PLPPR1: variants seen among roughly 807,000 people sequenced by gnomAD.
PLPPR1 encodes phospholipid phosphatase-related protein type 1.
PLPPR1 carries 10 observed loss-of-function variants against 33.1 expected under a neutral mutation model. The observed-to-expected ratio is 0.30, with a 90% CI of 0.19 to 0.51. PLPPR1 has a LOEUF of 0.51. Among genes scored for constraint, PLPPR1 ranks in the 20% least tolerant of loss-of-function variants. The pLI is 0.97. For missense variants in PLPPR1, 304 were observed against 408.1 expected, an observed-to-expected ratio of 0.74 and a Z score of 2.20; for synonymous variants, 151 against 151.0, an observed-to-expected ratio of 1.00 and a Z score of 0.00.
chr9:101,081,585 G>T (rs140495335), intron 1 of PLPPR1, among the ~76,000 whole-genome samples: 57 of 152,286 alleles, frequency 3.7e-4, no homozygotes, highest in African/African-American at 1.3e-3. Flanking sequence ...AAGAAGTGGA[G>T]AATTATATGA....
intron 1 of PLPPR1, among the ~76,000 whole-genome samples, chr9:101,092,775 C>T (rs11790544): frequency 0.57 from 85,900 of 151,922 alleles, 24,346 homozygotes; most frequent in Non-Finnish European, 0.6. Flanking sequence ...CTATTGGAAC[C>T]CTGATTCTCG....
At chr9:101,085,869 G>A (rs1047611654) in intron 1 of PLPPR1, among the ~76,000 whole-genome samples, 6 of 152,022 alleles carry the variant, frequency 3.9e-5, no homozygotes, top group African/African-American at 1.2e-4. Context: ...ACCGGGGGGG[G>A]CTCTACTGTC....
chr9:101,275,459 G>A (rs1011322153), intron 3 of PLPPR1, among the ~76,000 whole-genome samples: 1 of 152,192 alleles, frequency 6.6e-6, no homozygotes, highest in African/African-American at 2.4e-5. Context: ...AAAGGCCAAG[G>A]CCACTGCTGT....
At chr9:101,030,733 T>G (rs1829935288) in intron 1 of PLPPR1, among the ~76,000 whole-genome samples, 1 of 151,722 alleles carries the variant, frequency 6.6e-6, no homozygotes, top group South Asian at 2.1e-4. Flanking sequence ...TCCTCACGGG[T>G]GGGGGTGAGG....
intron 1 of PLPPR1, among the ~76,000 whole-genome samples, chr9:101,158,360 G>A (rs1245203325): frequency 6.6e-6 from 1 of 152,184 alleles, no homozygotes; most frequent in African/African-American, 2.4e-5. Context: ...GAGGTCAATG[G>A]AGGAGAGAGT....
chr9:101,218,984 C>T (rs1826864948), intron 2 of PLPPR1, among the ~76,000 whole-genome samples: 1 of 152,214 alleles, frequency 6.6e-6, no homozygotes, highest in Non-Finnish European at 1.5e-5. Context: ...TGCACACTCA[C>T]ACACATCTAT....
At chr9:101,093,640 T>C (rs1012591779) in intron 1 of PLPPR1, among the ~76,000 whole-genome samples, 1 of 152,230 alleles carries the variant, frequency 6.6e-6, no homozygotes, top group Non-Finnish European at 1.5e-5. Context: ...AAAATTTTCA[T>C]CCATCTACTC....
intron 1 of PLPPR1, among the ~76,000 whole-genome samples, chr9:101,122,213 T>G (rs1831186786): frequency 6.6e-6 from 1 of 152,252 alleles, no homozygotes; most frequent in Non-Finnish European, 1.5e-5. Flanking sequence ...TCTTCCCTGA[T>G]CTGTCACTGA....
chr9:101,224,028 G>A (rs1434367096), intron 2 of PLPPR1, among the ~76,000 whole-genome samples: 1 of 152,016 alleles, frequency 6.6e-6, no homozygotes, highest in Non-Finnish European at 1.5e-5. Flanking sequence ...ATAACATATG[G>A]CTTGATATCT....
At chr9:101,222,352 G>T (rs921592107) in intron 2 of PLPPR1, among the ~76,000 whole-genome samples, 1 of 152,146 alleles carries the variant, frequency 6.6e-6, no homozygotes, top group Non-Finnish European at 1.5e-5. Flanking sequence ...GAGAATATGG[G>T]CAATTGTATG....
rs1004827861 is a variant in PLPPR1, at chr9:101,031,005, C to T, written c.-46+1903C>T. Among the ~76,000 whole-genome samples, 9 of 152,056 alleles carry T rather than the reference C, an allele frequency of 5.9e-5. No homozygotes were observed. The East Asian group carries it at 7.7e-4, about 13-fold the overall frequency. On this transcript the variant is annotated intron_variant, in intron 1 of 7. Coordinates refer to ENST00000374874, the MANE Select transcript of PLPPR1 (RefSeq NM_207299.2). ...GGGATGCTTATTATTAAAATAGTTT[C>T]GCTTTTATGATTTTAAAGGTATTCA...
intron 2 of PLPPR1, among the ~76,000 whole-genome samples, chr9:101,247,271 C>T (rs573143863): frequency 5.3e-5 from 8 of 152,006 alleles, no homozygotes; most frequent in East Asian, 2.0e-4. Context: ...GATTCAGAAA[C>T]GTGGTCTCCA....
intron 1 of PLPPR1, among the ~76,000 whole-genome samples, chr9:101,048,031 TAGA>T (rs1830174968): frequency 6.6e-6 from 1 of 152,158 alleles, no homozygotes. Context: ...GCCTAGTATA[TAGA>T]AGGAGTTAGA....
chr9:101,078,079 TGGA>T (rs1295804443), intron 1 of PLPPR1, among the ~76,000 whole-genome samples: 1 of 92,864 alleles, frequency 1.1e-5, no homozygotes, highest in East Asian at 3.4e-4. Flanking sequence ...GAGTCTGGAA[TGGA>T]GGAGGAGGAG....
At chr9:101,184,160 A>T (rs144043373) in intron 1 of PLPPR1, among the ~76,000 whole-genome samples, 196 of 151,914 alleles carry the variant, frequency 1.3e-3, no homozygotes, top group African/African-American at 4.5e-3. Context: ...GTGAAATAAC[A>T]CATGTAGTAT....
intron 4 of PLPPR1, among the ~76,000 whole-genome samples, chr9:101,288,154 C>A (rs1828428059): frequency 6.6e-6 from 1 of 152,150 alleles, no homozygotes; most frequent in African/African-American, 2.4e-5. Context: ...GCACAAGTCT[C>A]TGTTTATTGA....
chr9:101,245,579 C>A (rs560684913), intron 2 of PLPPR1, among the ~76,000 whole-genome samples: 4 of 151,910 alleles, frequency 2.6e-5, no homozygotes, highest in African/African-American at 9.7e-5. Context: ...ATGTGTCCAA[C>A]TTACACTATA....
chr9:101,055,233 T>C lies in PLPPR1; in HGVS notation c.-46+26131T>C, dbSNP rs529689916. Among the ~76,000 whole-genome samples, 166 of 152,344 alleles carry C rather than the reference T, an allele frequency of 1.1e-3. 1 individual carries two copies. Among genetic ancestry groups the C allele is most frequent in the African/African-American group, 4.0e-3 (165 of 41,574 alleles). On this transcript the variant is annotated intron_variant, in intron 1 of 7. Transcript: ENST00000374874. ...TTAAATTGTTTTTGAGTTTTTATGC[T>C]AACAGTGAAAAAGATCTAAATGGAT...
intron 3 of PLPPR1, 96 bp downstream of exon 3, chr9:101,270,164 C>A: frequency 7.5e-7 from 1 of 1,336,820 alleles, no homozygotes; most frequent in Non-Finnish European, 1.0e-6. Flanking sequence ...TGAGCATTCA[C>A]CAGCAGTTTT....
Sources: gnomAD v4.1 joint callset for allele counts (sites outside exome capture counted in the v4.1 genomes callset) on GRCh38, gnomAD v4.1.1 for gene constraint, MANE v1.5 for transcripts, NCBI Gene and HGNC (gene_info 2026-07-23, HGNC 2026-07-21) for gene names.